The following TMCC1 variants were observed in gnomAD, a reference collection of about 807,000 sequenced individuals.
TMCC1 encodes the protein transmembrane and coiled-coil domain family 1.
TMCC1 carries 15 observed loss-of-function variants against 52.4 expected under a neutral mutation model. The observed-to-expected ratio is 0.29, with a 90% CI of 0.19 to 0.44. The LOEUF (loss-of-function observed/expected upper bound fraction) is 0.44. Among genes scored for constraint, TMCC1 ranks in the 20% least tolerant of loss-of-function variants. The probability of loss-of-function intolerance (pLI) is 1.00; values close to 1 mark genes in which losing one functional copy is unlikely to be tolerated. For missense variants in TMCC1, 503 were observed against 806.0 expected (o/e 0.62, Z 4.55); for synonymous variants, 279 against 301.9 (o/e 0.92, Z 0.79).
In TMCC1 at chr3:129,728,635, G is replaced by A. The variant is rs79981681; in HGVS notation, c.577-57371C>T. On this transcript the variant is annotated intron_variant, in intron 4 of 6. Coordinates refer to ENST00000393238, the MANE Select transcript of TMCC1 (RefSeq NM_001017395.5). ...TAACACCACAGAATTTACTTTTTAC[G>A]TATGTGTACAGTTCTATGAATTTTA... Among the ~76,000 whole-genome samples, 1,072 of 152,142 alleles carry A rather than the reference G, an allele frequency of 7.0e-3. 11 individuals carry two copies. Among genetic ancestry groups the A allele is most frequent in the African/African-American group, 0.025 (1,020 of 41,496 alleles).
chr3:129,723,360 CTTT>C (rs62761061), intron 4 of TMCC1, among the ~76,000 whole-genome samples: 11 of 105,614 alleles, frequency 1.0e-4, no homozygotes, highest in South Asian at 9.6e-4. Context: ...AAATCTTTTT[CTTT>C]TTTTTTTTTT....
intron 4 of TMCC1, among the ~76,000 whole-genome samples, chr3:129,822,012 G>A (rs2058446975): frequency 6.6e-6 from 1 of 152,118 alleles, no homozygotes; most frequent in Admixed American, 6.6e-5. Flanking sequence ...GCAGTTAGCT[G>A]TGATCACACC....
intron 4 of TMCC1, among the ~76,000 whole-genome samples, chr3:129,825,144 C>G (rs1019036042): frequency 6.6e-6 from 1 of 152,218 alleles, no homozygotes; most frequent in African/African-American, 2.4e-5. Context: ...TGGTGGTCAA[C>G]AAAATGAATT....
chr3:129,776,792 G>T lies in TMCC1; in HGVS notation c.576+51011C>A, dbSNP rs375058344. ...ACAGGTGTAGTAGTCACCATGCCTAGCTAATTTTTATTTATATTTTTTTGT... is the reference window on the plus strand; with the variant it reads ...ACAGGTGTAGTAGTCACCATGCCTATCTAATTTTTATTTATATTTTTTTGT... On this transcript the variant is annotated intron_variant, in intron 4 of 6. Coordinates refer to ENST00000393238, the MANE Select transcript of TMCC1 (RefSeq NM_001017395.5). 5.3e-5 allele frequency among the ~76,000 whole-genome samples: 8 copies of T among 152,076 alleles called. No homozygotes were observed. The East Asian group carries it at 1.5e-3, about 29-fold the overall frequency.
chr3:129,882,076 C>T (rs1284330578), intron 1 of TMCC1, among the ~76,000 whole-genome samples: 1 of 151,894 alleles, frequency 6.6e-6, no homozygotes, highest in Non-Finnish European at 1.5e-5. Context: ...TGAAACCAGA[C>T]ATAAAGAAAA....
At chr3:129,659,287 G>A (rs1226583713) in intron 5 of TMCC1, among the ~76,000 whole-genome samples, 1 of 151,314 alleles carries the variant, frequency 6.6e-6, no homozygotes, top group Non-Finnish European at 1.5e-5. Context: ...CAGAGACAGG[G>A]TCTCACTATG....
intron 4 of TMCC1, among the ~76,000 whole-genome samples, chr3:129,799,614 T>C (rs1218203928): frequency 6.6e-6 from 1 of 151,958 alleles, no homozygotes; most frequent in Non-Finnish European, 1.5e-5. Flanking sequence ...ATCGAGACCA[T>C]CCTGGCTAAA....
intron 4 of TMCC1, among the ~76,000 whole-genome samples, chr3:129,780,502 C>A (rs2107723712): frequency 6.6e-6 from 1 of 152,200 alleles, no homozygotes; most frequent in Admixed American, 6.5e-5. Context: ...ATCACCATTA[C>A]CTAACTCTAA....
intron 2 of TMCC1, among the ~76,000 whole-genome samples, chr3:129,854,307 G>A (rs146999572): frequency 1.2e-3 from 178 of 151,058 alleles, no homozygotes; most frequent in African/African-American, 3.8e-3. Flanking sequence ...CAGCAGAATC[G>A]CTCAAACCTG....
intron 4 of TMCC1, among the ~76,000 whole-genome samples, chr3:129,790,509 G>T (rs550363007): frequency 2.6e-5 from 4 of 152,102 alleles, no homozygotes; most frequent in South Asian, 2.1e-4. Context: ...AAATAAAAGG[G>T]TATAATATTT....
At chr3:129,731,930 T>C (rs953687552) in intron 4 of TMCC1, among the ~76,000 whole-genome samples, 6 of 152,196 alleles carry the variant, frequency 3.9e-5, no homozygotes, top group Admixed American at 6.5e-5. Flanking sequence ...TGGCTTCCCA[T>C]ATGTTTTAAA....
intron 2 of TMCC1, among the ~76,000 whole-genome samples, chr3:129,835,898 A>G (rs1282220475): frequency 6.6e-6 from 1 of 152,224 alleles, no homozygotes; most frequent in African/African-American, 2.4e-5. Context: ...AAGCAGCAAA[A>G]TATAAGATGT....
intron 4 of TMCC1, among the ~76,000 whole-genome samples, chr3:129,709,474 C>CA (rs1160022823): frequency 7.3e-4 from 15 of 20,524 alleles, no homozygotes; most frequent in African/African-American, 2.2e-3. Flanking sequence ...AGACTTGCCT[C>CA]AAAAAAAAAA....
At chr3:129,801,923 T>C (rs1346666107) in intron 4 of TMCC1, among the ~76,000 whole-genome samples, 1 of 152,234 alleles carries the variant, frequency 6.6e-6, no homozygotes, top group Non-Finnish European at 1.5e-5. Flanking sequence ...TGTACATTTA[T>C]ATGTTCTATA....
At chr3:129,697,081 C>A (rs2047465928) in intron 4 of TMCC1, among the ~76,000 whole-genome samples, 1 of 152,206 alleles carries the variant, frequency 6.6e-6, no homozygotes, top group Non-Finnish European at 1.5e-5. Flanking sequence ...CTATGCAGTG[C>A]CCCAGTGGGG....
intron 4 of TMCC1, among the ~76,000 whole-genome samples, chr3:129,686,866 A>G (rs1413899353): frequency 6.6e-6 from 1 of 152,252 alleles, no homozygotes; most frequent in Non-Finnish European, 1.5e-5. Context: ...GCACTATTAC[A>G]GTAGGTTTCA....
intron 2 of TMCC1, among the ~76,000 whole-genome samples, chr3:129,836,549 G>A (rs1468905756): frequency 6.6e-6 from 1 of 152,170 alleles, no homozygotes; most frequent in East Asian, 1.9e-4. Flanking sequence ...AAAGAGCTGG[G>A]AGGAAATCAC....
chr3:129,866,351 C>CATATATACATAATATATATTATATATAA (rs1560578910), intron 2 of TMCC1, among the ~76,000 whole-genome samples: 1 of 137,126 alleles, frequency 7.3e-6, no homozygotes, highest in Non-Finnish European at 1.5e-5. Context: ...ATTATATATA[C>CATATATACATAATATATATTATATATAA]ATAATATATA....
chr3:129,767,743 T>A lies in TMCC1; in HGVS notation c.576+60060A>T, dbSNP rs932059621. ...TTCTGGATATTTCATGAAAATGTAA[T>A]TTTACAATATGTGACTTTCTGTGTC... On this transcript the variant is annotated intron_variant, in intron 4 of 6. Coordinates refer to ENST00000393238, the MANE Select transcript of TMCC1 (RefSeq NM_001017395.5). Among the ~76,000 whole-genome samples, 4 of 152,204 alleles carry A rather than the reference T, an allele frequency of 2.6e-5. No individual in the cohort carries two copies. In the East Asian group the frequency reaches 7.7e-4, roughly 29 times the overall value.
Sources: allele counts gnomAD v4.1 joint callset (sites outside exome capture counted in the v4.1 genomes callset), GRCh38; gene constraint gnomAD v4.1.1; transcripts MANE v1.5; gene names NCBI Gene and HGNC (gene_info 2026-07-23, HGNC 2026-07-21).